RB1: variants seen among roughly 807,000 people sequenced by gnomAD.
RB1 encodes retinoblastoma-associated protein.
In RB1, 18 loss-of-function variants were observed where a neutral mutation model predicts 135.4. The ratio of observed to expected loss-of-function variants is 0.13; its 90% CI spans 0.09 to 0.20. The LOEUF (loss-of-function observed/expected upper bound fraction) is 0.20. RB1 is among the 10% of genes least tolerant of loss of function. The probability of loss-of-function intolerance (pLI) is 1.00; values close to 1 mark genes in which losing one functional copy is unlikely to be tolerated. For synonymous variants in RB1, 365 were observed against 373.2 expected (o/e 0.98, Z 0.25); for missense variants, 868 against 1,110.0 (o/e 0.78, Z 3.10).
At chr13:48,407,295 C>T (rs1437528251) in intron 17 of RB1, among the ~76,000 whole-genome samples, 2 of 152,046 alleles carry the variant, frequency 1.3e-5, no homozygotes, top group East Asian at 3.8e-4. Context: ...ACTGCTTTTC[C>T]AATGAAAGAG....
At chr13:48,386,408 C>G (rs1029344788) in intron 17 of RB1, among the ~76,000 whole-genome samples, 1 of 151,124 alleles carries the variant, frequency 6.6e-6, no homozygotes, top group Admixed American at 6.6e-5. Context: ...TTTTAATATT[C>G]AATGTGATGA....
intron 2 of RB1, among the ~76,000 whole-genome samples, chr13:48,340,056 G>T (rs1368125517): frequency 6.6e-6 from 1 of 152,152 alleles, no homozygotes; most frequent in African/African-American, 2.4e-5. Flanking sequence ...ATGGAGGAAG[G>T]ATATTCTTCT....
intron 6 of RB1, among the ~76,000 whole-genome samples, chr13:48,353,997 A>T (rs1262867066): frequency 6.6e-6 from 1 of 152,182 alleles, no homozygotes; most frequent in Non-Finnish European, 1.5e-5. Context: ...TAATGGGGAA[A>T]AATTGAAAGC....
chr13:48,358,858 C>T (rs923349614), intron 6 of RB1, among the ~76,000 whole-genome samples: 4 of 152,126 alleles, frequency 2.6e-5, no homozygotes, highest in Non-Finnish European at 5.9e-5. Context: ...GAGATTCTTT[C>T]ATCTGACTTC....
At chr13:48,326,741 A>G (rs1952291059) in intron 2 of RB1, among the ~76,000 whole-genome samples, 1 of 152,118 alleles carries the variant, frequency 6.6e-6, no homozygotes, top group Non-Finnish European at 1.5e-5. Context: ...GTTACCACCA[A>G]TAAAACGGTC....
At chr13:48,371,137 A>AT (rs1194788713) in intron 11 of RB1, among the ~76,000 whole-genome samples, 1 of 152,226 alleles carries the variant, frequency 6.6e-6, no homozygotes, top group Non-Finnish European at 1.5e-5. Context: ...AGGGCCTTAT[A>AT]TGCCATACTC....
intron 17 of RB1, among the ~76,000 whole-genome samples, chr13:48,407,535 ATAGAAATTTGAGAAT>A (rs1450759002): frequency 3.3e-5 from 5 of 152,224 alleles, no homozygotes; most frequent in African/African-American, 4.8e-5. Context: ...TAAAGAGAAA[ATAGAAATTTGAGAAT>A]TAGAGATTTT....
At chr13:48,415,749 G>T (rs1358528410) in intron 17 of RB1, 1 of 152,194 alleles carries the variant, frequency 6.6e-6, no homozygotes, top group Non-Finnish European at 1.5e-5. Context: ...GCTGATGAAT[G>T]AATCATAAAC....
intron 11 of RB1, among the ~76,000 whole-genome samples, chr13:48,371,627 A>G (rs1044266244): frequency 1.3e-5 from 2 of 152,180 alleles, no homozygotes; most frequent in Non-Finnish European, 1.5e-5. Flanking sequence ...GCAGTAGGAT[A>G]GCCTTCTATA....
At chr13:48,309,429 G>T (rs959319380) in intron 2 of RB1, among the ~76,000 whole-genome samples, 3 of 152,156 alleles carry the variant, frequency 2.0e-5, no homozygotes, top group South Asian at 2.1e-4. Flanking sequence ...GATTTCCAAA[G>T]AATTGAACAT....
rs9568039 is a variant in RB1 at position 48,417,480 on chromosome 13, G to T, written c.1696-35513G>T. Among the ~76,000 whole-genome samples the T allele has an allele frequency of 4.2e-4, 64 of 152,202 alleles. No individual in the cohort carries two copies. In the East Asian group the frequency reaches 0.011, roughly 26 times the overall value. On this transcript the variant is annotated intron_variant, in intron 17 of 26. Transcript: ENST00000267163. ...TCCATGAAGATGAGGAAAAACCAGC[G>T]CAAAAAGGCTGACAATTCCAAAAAC... is the stretch of plus-strand genomic sequence containing the variant.
At position 48,480,194 on chromosome 13, in the gene RB1, G is replaced by T; in HGVS notation, c.*123G>T. On this transcript the variant is annotated 3_prime_UTR_variant, in exon 27 of 27. Transcript: ENST00000267163. ...ATTTAATATCTTCAGCTCTTTTTGT[G>T]GATATAAAATGTGCAGATGCAATTG... The T allele has an allele frequency of 1.2e-6, 1 of 824,088 alleles. No individual in the cohort carries two copies. The highest frequency in any genetic ancestry group is 1.5e-5 in the South Asian group (1 of 67,914). The allele number at this position is 824,088 out of a possible 1,614,324, so 51.0% of individuals were successfully genotyped here. A position where few individuals can be genotyped will look rare whatever the true frequency, so the allele number is the denominator to read the frequency against.
intron 21 of RB1, 41 bp from the exon 22 acceptor site, chr13:48,464,957 A>AATTTTTTT: frequency 8.8e-7 from 1 of 1,136,270 alleles, no homozygotes; most frequent in East Asian, 3.0e-5. Context: ...AGTAAATTTT[A>AATTTTTTT]CTTTTTTTTT....
At chr13:48,385,834 AC>A (rs1948567261) in intron 17 of RB1, among the ~76,000 whole-genome samples, 1 of 152,140 alleles carries the variant, frequency 6.6e-6, no homozygotes, top group Non-Finnish European at 1.5e-5. Context: ...TCACAATGTA[AC>A]ATTTATGATG....
At chr13:48,314,805 A>C (rs928011061) in intron 2 of RB1, among the ~76,000 whole-genome samples, 4 of 152,100 alleles carry the variant, frequency 2.6e-5, no homozygotes, top group Non-Finnish European at 5.9e-5. Context: ...AAGCAGCTAA[A>C]ATCTATGTAT....
In RB1 at chr13:48,460,031, G is replaced by A. The variant is rs560653067; in HGVS notation, c.2106+198G>A. Among the ~76,000 whole-genome samples the A allele has an allele frequency of 5.4e-4, 80 of 147,686 alleles. 9 individuals are homozygous for A. Among genetic ancestry groups the A allele is most frequent in the African/African-American group, 1.7e-3 (69 of 39,796 alleles). ...GTTACCCAGGCTAGAGTGCAGTGGC[G>A]CAATCTCGGCTCACTGCAACCTCCG... On this transcript the variant is annotated intron_variant, in intron 20 of 26. Coordinates refer to ENST00000267163, the MANE Select transcript of RB1 (RefSeq NM_000321.3).
chr13:48,444,799 A>G (rs920460231), intron 17 of RB1: 1 of 152,210 alleles, frequency 6.6e-6, no homozygotes, highest in Non-Finnish European at 1.5e-5. Flanking sequence ...TCTTAAAGAC[A>G]CACAATTTAC....
At chr13:48,336,743 G>T (rs1952389014) in intron 2 of RB1, among the ~76,000 whole-genome samples, 2 of 17,762 alleles carry the variant, frequency 1.1e-4, no homozygotes, top group Admixed American at 1.4e-3. Context: ...GAATGTGTTT[G>T]CTCTTCTCTA....
intron 18 of RB1, among the ~76,000 whole-genome samples, chr13:48,453,321 T>C (rs1223257738): frequency 6.6e-6 from 1 of 152,174 alleles, no homozygotes; most frequent in Admixed American, 6.5e-5. Flanking sequence ...AGGATTTGCA[T>C]AATGAGAGCA....
Sources: gnomAD v4.1 joint callset for allele counts (sites outside exome capture counted in the v4.1 genomes callset) on GRCh38, gnomAD v4.1.1 for gene constraint, MANE v1.5 for transcripts, NCBI Gene and HGNC (gene_info 2026-07-23, HGNC 2026-07-21) for gene names.